The following ANKHD1 variants were observed in gnomAD, a reference collection of about 807,000 sequenced individuals.
ANKHD1 encodes ankyrin repeat and KH domain containing 1.
ANKHD1 carries 31 observed loss-of-function variants against 230.5 expected under a neutral mutation model. That is an observed-to-expected ratio of 0.13 (90% confidence interval 0.10 to 0.18). ANKHD1 has a LOEUF of 0.18. Ranked by LOEUF, ANKHD1 falls within the 10% of genes least tolerant of loss-of-function variation. ANKHD1 has a pLI of 1.00. For missense variants in ANKHD1, 2,256 were observed against 3,071.3 expected (o/e 0.73, Z 6.27); for synonymous variants, 1,074 against 1,117.6 (o/e 0.96, Z 0.78).
At chr5:140,450,890 T>C (rs947673179) in intron 7 of ANKHD1, among the ~76,000 whole-genome samples, 13 of 152,120 alleles carry the variant, frequency 8.5e-5, no homozygotes, top group Admixed American at 4.6e-4. Context: ...TGGTGGCTCA[T>C]GCCTGTAATC....
intron 10 of ANKHD1, among the ~76,000 whole-genome samples, chr5:140,468,135 C>T (rs1184874122): frequency 8.0e-6 from 1 of 124,396 alleles, no homozygotes; most frequent in Non-Finnish European, 1.6e-5. Context: ...AATGCAGTGG[C>T]ACGATCTCGG....
intron 1 of ANKHD1, among the ~76,000 whole-genome samples, chr5:140,435,382 T>C (rs1773358113): frequency 7.1e-6 from 1 of 139,910 alleles, no homozygotes; most frequent in African/African-American, 2.6e-5. Context: ...AAGTAAATGC[T>C]TTTTTTTTTT....
In ANKHD1 at chr5:140,506,882, C is replaced by T. The variant is rs144682142; in HGVS notation, c.3456C>T (p.Asn1152=). 51 of 1,613,900 alleles carry T rather than the reference C, an allele frequency of 3.2e-5. No individual in the cohort carries two copies. Among genetic ancestry groups the T allele is most frequent in the African/African-American group, 2.9e-4 (22 of 74,884 alleles). The change falls in exon 19 of 34, where the codon AAC becomes AAT. Residue 1152 remains asparagine, a synonymous_variant. Coordinates refer to ENST00000360839, the MANE Select transcript of ANKHD1 (RefSeq NM_017747.3). This position sits in a 1 kb window ranked among gnomAD's most constrained non-coding sequence, Gnocchi z 4.7. ...GAGGTGCAAATAAAGAACATAGGAA[C>T]GTATCTGATTATACACCACTGAGTC... ...LARGANKEHR[N]VSDYTPLSLA... is the part of the protein sequence containing the mutation.
In ANKHD1 at chr5:140,529,033, G is replaced by A; in HGVS notation, c.6087G>A (p.Glu2029=). ...ESFSAVPPTK[E]KVSTQDQPMA... The stretch of plus-strand genomic sequence containing the variant: ...TCTCTGCTGTGCCACCCACCAAAGA[G>A]AAAGTGTCCACACAGGACCAGCCCA... Residue 2029 remains glutamate (E), a synonymous_variant, in exon 29 of 34, where the codon GAG becomes GAA. Transcript: ENST00000360839. The A allele has an allele frequency of 6.2e-7, 1 of 1,614,072 alleles. No individual in the cohort carries two copies. Among genetic ancestry groups the A allele is most frequent in the South Asian group, 1.1e-5 (1 of 91,082 alleles).
intron 24 of ANKHD1, among the ~76,000 whole-genome samples, chr5:140,520,052 A>C (rs1315330979): frequency 6.7e-6 from 1 of 150,086 alleles, no homozygotes; most frequent in Non-Finnish European, 1.5e-5. Context: ...TAATATCCAG[A>C]ATCTACAATG....
chr5:140,513,643 T>G (rs978042419), intron 24 of ANKHD1, among the ~76,000 whole-genome samples, 164 bp downstream of exon 24: 2 of 152,076 alleles, frequency 1.3e-5, no homozygotes, highest in African/African-American at 4.8e-5. Context: ...ACCCTGTCTC[T>G]ACTAAAAATA....
At position 140,526,979 on chromosome 5, in the gene ANKHD1, G is replaced by A; in HGVS notation, c.4992G>A (p.Val1664=). The part of the protein sequence containing the change: ...PNSLSTSYKT[V]SLPLSSPNIK... ...CCTTGTCAACCAGCTACAAGACAGT[G>A]TCATTGCCATTAAGCTCTCCAAACA... The change falls in exon 27 of 34, where the codon GTG becomes GTA. Residue 1664 remains valine, a synonymous_variant. Coordinates refer to ENST00000360839, the MANE Select transcript of ANKHD1 (RefSeq NM_017747.3). 1.9e-6 allele frequency: 3 copies of A among 1,613,790 alleles called. No individual in the cohort carries two copies. Among genetic ancestry groups the A allele is most frequent in the South Asian group, 1.1e-5 (1 of 91,060 alleles).
chr5:140,430,087 C>G (rs1214450490), intron 1 of ANKHD1, among the ~76,000 whole-genome samples: 1 of 152,138 alleles, frequency 6.6e-6, no homozygotes, highest in South Asian at 2.1e-4. Context: ...TTAGTTGAAG[C>G]TAAAAACCAC....
At chr5:140,532,480 G>T (rs534320588) in intron 29 of ANKHD1, among the ~76,000 whole-genome samples, 18 of 152,102 alleles carry the variant, frequency 1.2e-4, no homozygotes, top group African/African-American at 3.4e-4. Context: ...CTGTTGCCCA[G>T]GCTGGAGTGT....
Position 140,529,434 on chromosome 5 carries a change from A to G in ANKHD1, c.6488A>G (p.Asn2163Ser). The change falls in exon 29 of 34, where the codon AAT (asparagine) becomes AGT (serine). Residue 2163 changes from asparagine to serine, a missense_variant. By Grantham distance (46) the Asn-to-Ser change is conservative (BLOSUM62 1). Transcript: ENST00000360839. ...HQDPQSIFVT[N>S]PVTLTPPQGP... ...GATCCCCAGTCTATTTTTGTTACGA[A>G]TCCAGTTACTTTAACACCACCTCAA... 6.2e-7 allele frequency: 1 copy of G among 1,614,166 alleles called. No individual in the cohort carries two copies. Among genetic ancestry groups the G allele is most frequent in the South Asian group, 1.1e-5 (1 of 91,082 alleles).
chr5:140,449,061 CT>C, intron 6 of ANKHD1, 149 bp from the exon 7 acceptor site: 4 of 802,772 alleles, frequency 5.0e-6, no homozygotes, highest in Admixed American at 2.9e-5. Flanking sequence ...TTTGAATGGG[CT>C]TTGTAAAACT....
chr5:140,408,646 G>C (rs985400691), intron 1 of ANKHD1, among the ~76,000 whole-genome samples: 1 of 152,096 alleles, frequency 6.6e-6, no homozygotes, highest in Non-Finnish European at 1.5e-5. Flanking sequence ...TATCCTTTAA[G>C]ATTGTTTATG....
At chr5:140,537,669 AAAAC>A (rs1754142333) in intron 31 of ANKHD1, 80 bp downstream of exon 31, 1 of 1,456,502 alleles carries the variant, frequency 6.9e-7, no homozygotes, top group Non-Finnish European at 9.1e-7. Context: ...TTCCTTAGAA[AAAAC>A]AAACAAAAAA....
chr5:140,535,655 G>T, intron 30 of ANKHD1, 117 bp downstream of exon 30: 1 of 1,310,292 alleles, frequency 7.6e-7, no homozygotes, highest in Non-Finnish European at 9.9e-7. Flanking sequence ...AGATGCCCAA[G>T]GTTTGTTCTG....
chr5:140,445,429 G>A (rs1774204463), intron 5 of ANKHD1, among the ~76,000 whole-genome samples: 1 of 152,080 alleles, frequency 6.6e-6, no homozygotes, highest in Non-Finnish European at 1.5e-5. Flanking sequence ...ACTTAAAGCT[G>A]GGAAGCGGAG....
intron 22 of ANKHD1, among the ~76,000 whole-genome samples, chr5:140,512,161 G>A (rs1464418971): frequency 2.0e-5 from 3 of 151,790 alleles, no homozygotes; most frequent in Admixed American, 2.0e-4. Context: ...GCTAGAACCC[G>A]GGAGGCGGAG....
At chr5:140,502,038 TAA>T (rs750983725) in intron 15 of ANKHD1, among the ~76,000 whole-genome samples, 34 of 132,492 alleles carry the variant, frequency 2.6e-4, no homozygotes, top group Admixed American at 4.7e-4. Flanking sequence ...CCTATCTCTT[TAA>T]AAAAAAAAAA....
chr5:140,403,312 T>C (rs1770139855), intron 1 of ANKHD1, among the ~76,000 whole-genome samples: 1 of 152,146 alleles, frequency 6.6e-6, no homozygotes, highest in Non-Finnish European at 1.5e-5. Flanking sequence ...TTCATTTCTT[T>C]AACTCTTCTG....
rs760861039 is a variant in ANKHD1, at chr5:140,529,104, G to A, written c.6158G>A (p.Ser2053Asn). 6.2e-7 allele frequency: 1 copy of A among 1,614,030 alleles called. No individual in the cohort carries two copies. Among genetic ancestry groups the A allele is most frequent in the South Asian group, 1.1e-5 (1 of 91,082 alleles). Residue 2053 changes from serine to asparagine, a missense_variant, in exon 29 of 34, where the codon AGC becomes AAC. Ser to Asn is a conservative substitution (Grantham distance 46). Coordinates refer to ENST00000360839, the MANE Select transcript of ANKHD1 (RefSeq NM_017747.3). ...TPSSTANSCS[S>N]SASNTPGAPE... The stretch of plus-strand genomic sequence containing the variant: ...TCTTCAACTGCAAACAGTTGCAGTA[G>A]CTCTGCCAGCAACACCCCGGGAGCT...
Sources: allele counts gnomAD v4.1 joint callset (sites outside exome capture counted in the v4.1 genomes callset), GRCh38; gene constraint gnomAD v4.1.1; non-coding constraint Gnocchi (gnomAD v3.1); transcripts MANE v1.5; gene names NCBI Gene and HGNC (gene_info 2026-07-23, HGNC 2026-07-21).